The following PNPLA7 variants were observed in gnomAD, a reference collection of about 807,000 sequenced individuals.
PNPLA7 encodes patatin like domain 7, lysophospholipase.
A neutral mutation model predicts 161.7 loss-of-function variants in PNPLA7; 153 were observed. The ratio of observed to expected loss-of-function variants is 0.95; its 90% CI spans 0.83 to 1.08. The LOEUF (loss-of-function observed/expected upper bound fraction) is 1.08, where lower values mean the gene tolerates loss of function less well. Among genes scored for constraint, PNPLA7 ranks in the 50% least tolerant of loss-of-function variants. PNPLA7 has a pLI of 0.00. For missense variants in PNPLA7, 1,739 were observed against 1,856.6 expected, an observed-to-expected ratio of 0.94 and a Z score of 1.16; for synonymous variants, 809 against 782.1, an observed-to-expected ratio of 1.03 and a Z score of -0.57.
intron 17 of PNPLA7, among the ~76,000 whole-genome samples, chr9:137,497,756 T>A (rs1833142218): frequency 6.6e-6 from 1 of 152,190 alleles, no homozygotes; most frequent in South Asian, 2.1e-4. Flanking sequence ...CTCAAACTCC[T>A]GACCTTGTGA....
chr9:137,481,130 C>T, intron 21 of PNPLA7, 107 bp from the exon 22 acceptor site: 2 of 1,178,026 alleles, frequency 1.7e-6, no homozygotes, highest in East Asian at 2.6e-5. Context: ...GGCACCGACG[C>T]CCAGCCAGGC....
Position 137,461,921 on chromosome 9 carries a change from C to G in PNPLA7, c.3756+10G>C, listed in dbSNP as rs760068930. 4.8e-5 allele frequency: 75 copies of G among 1,553,254 alleles called. No homozygotes were observed. Among genetic ancestry groups the G allele is most frequent in the South Asian group, 1.4e-4 (12 of 84,108 alleles). Reference sequence around the variant, plus strand: ...GGGGAGCTGGGCGTGGTCCGGACGCCCGTACTCACCGCACTCGCGGGCTTC... The same window carrying G: ...GGGGAGCTGGGCGTGGTCCGGACGCGCGTACTCACCGCACTCGCGGGCTTC... On this transcript the variant is annotated intron_variant, in intron 32 of 34. Transcript: ENST00000406427.
At chr9:137,464,218 T>C (rs200738335) in intron 27 of PNPLA7, 23 bp from the exon 28 acceptor site, 325 of 1,613,208 alleles carry the variant, frequency 2.0e-4, no homozygotes, top group Non-Finnish European at 2.7e-4. Flanking sequence ...GGGGCTCAGA[T>C]GGGCCCTCTC....
chr9:137,495,734 C>G (rs181565487), intron 18 of PNPLA7, among the ~76,000 whole-genome samples: 14 of 152,240 alleles, frequency 9.2e-5, no homozygotes, highest in African/African-American at 3.4e-4. Flanking sequence ...TGAGCCGCCG[C>G]GCCCGGCCTG....
chr9:137,498,202 T>C lies in PNPLA7; in HGVS notation c.1801A>G (p.Thr601Ala), dbSNP rs1267733093. 4.3e-6 allele frequency: 7 copies of C among 1,612,724 alleles called. No individual in the cohort carries two copies. The East Asian group carries it at 1.6e-4, about 36-fold the overall frequency. ...AAGGACGACATCCTCTTCACCACAG[T>C]GTGCGCCACACCCAGGACGACGGTC... ...QPTVVLGVAH[T>A]VVKRMSSFVR... The change falls in exon 17 of 35, where the codon ACT becomes GCT. Residue 601 changes from threonine (T) to alanine (A), a missense_variant. By Grantham distance (58) the Thr-to-Ala change is moderately conservative. Coordinates refer to ENST00000406427, the MANE Select transcript of PNPLA7 (RefSeq NM_001098537.3).
At chr9:137,496,309 G>A (rs1833056898) in intron 18 of PNPLA7, among the ~76,000 whole-genome samples, 1 of 151,346 alleles carries the variant, frequency 6.6e-6, no homozygotes, top group East Asian at 2.0e-4. Context: ...GTTTCTTCAT[G>A]TTGGTCAGGC....
chr9:137,504,406 T>C (rs1200265459), intron 14 of PNPLA7, among the ~76,000 whole-genome samples: 3 of 152,190 alleles, frequency 2.0e-5, no homozygotes, highest in Non-Finnish European at 4.4e-5. Context: ...GAAACAGAGT[T>C]TCACCATGTT....
At chr9:137,470,533 T>A (rs980053519) in intron 25 of PNPLA7, among the ~76,000 whole-genome samples, 1 of 151,998 alleles carries the variant, frequency 6.6e-6, no homozygotes, top group African/African-American at 2.4e-5. Context: ...AGACACTGTC[T>A]CAAAGAAAAT....
intron 8 of PNPLA7, among the ~76,000 whole-genome samples, chr9:137,528,833 T>C (rs1461513475): frequency 1.3e-5 from 2 of 152,086 alleles, no homozygotes; most frequent in Admixed American, 6.6e-5. Context: ...CCACAGTAGC[T>C]GGGACTACAG....
intron 8 of PNPLA7, among the ~76,000 whole-genome samples, chr9:137,535,696 T>G (rs1384039210): frequency 6.8e-6 from 1 of 146,944 alleles, no homozygotes; most frequent in Non-Finnish European, 1.5e-5. Flanking sequence ...GGAGTTGCAG[T>G]GAGCTGAGAT....
chr9:137,493,447 T>C (rs1832880554), intron 19 of PNPLA7, among the ~76,000 whole-genome samples: 1 of 152,222 alleles, frequency 6.6e-6, no homozygotes, highest in African/African-American at 2.4e-5. Context: ...AAGGGCAGGC[T>C]GGCAGGCTTC....
Position 137,547,619 on chromosome 9 carries a change from A to T in PNPLA7, c.71T>A (p.Leu24Gln). Reference protein sequence around the residue: ...CLGTALHSWGLWFTEEGSPST... With the variant: ...CLGTALHSWGQWFTEEGSPST... ...CGGTGAACCTTCCTCCGTGAACCAC[A>T]GTCCCCAAGAGTGCAGGGCGGTGCC... Residue 24 changes from leucine to glutamine, a missense_variant, in exon 2 of 35, where the codon CTG becomes CAG. Leu to Gln is a moderately radical substitution (Grantham distance 113, BLOSUM62 -2). Transcript: ENST00000406427. The surrounding 1 kb of genome is among the most constrained non-coding windows in gnomAD (Gnocchi z 4.6). 8 of 1,613,212 alleles carry T rather than the reference A, an allele frequency of 5.0e-6. No homozygotes were observed. The highest frequency in any genetic ancestry group is 6.8e-6 in the Non-Finnish European group (8 of 1,179,854).
At position 137,522,859 on chromosome 9, in the gene PNPLA7, T is replaced by C; in HGVS notation, c.748-2A>G. On this transcript the variant is annotated splice_acceptor_variant, in intron 8 of 34. Transcript: ENST00000406427. LOFTEE classifies it high-confidence loss of function. Reference sequence around the variant, plus strand: ...CGTTTTGTAAGGTGCAGCATGGCCCTGTAACAACAGCTCCATCAGTCCCCA... The same window carrying C: ...CGTTTTGTAAGGTGCAGCATGGCCCCGTAACAACAGCTCCATCAGTCCCCA... The C allele has an allele frequency of 3.7e-6, 6 of 1,613,014 alleles. No homozygotes were observed. The highest frequency in any genetic ancestry group is 5.1e-6 in the Non-Finnish European group (6 of 1,179,628).
At chr9:137,481,746 G>T (rs187648306) in intron 21 of PNPLA7, among the ~76,000 whole-genome samples, 1 of 152,194 alleles carries the variant, frequency 6.6e-6, no homozygotes, top group Admixed American at 6.5e-5. Flanking sequence ...CACGAGGTCA[G>T]GAGATCCGGT....
chr9:137,522,346 T>A (rs1253702882), intron 9 of PNPLA7, among the ~76,000 whole-genome samples: 2 of 151,042 alleles, frequency 1.3e-5, no homozygotes, highest in South Asian at 2.1e-4. Context: ...AGTGCTGGGG[T>A]TACAGGCGGG....
chr9:137,547,328 G>T lies in PNPLA7; in HGVS notation c.174C>A (p.Phe58Leu), dbSNP rs142360903. Residue 58 changes from phenylalanine to leucine, a missense_variant, in exon 3 of 35, where the codon TTC (phenylalanine) becomes TTA (leucine). By Grantham distance (22) the Phe-to-Leu change is conservative. Around this residue, in one of 6 missense-constraint regions of PNPLA7, gnomAD observed 209 missense variants for 252.8 expected, o/e 0.83. Coordinates refer to ENST00000406427, the MANE Select transcript of PNPLA7 (RefSeq NM_001098537.3). This position sits in a 1 kb window ranked among gnomAD's most constrained non-coding sequence, Gnocchi z 4.6. ...ACTCACGAAATTGTCTAAGCCTTCTGAACATGAAAAGGATGAGGACACCAA... is the reference window on the plus strand; with the variant it reads ...ACTCACGAAATTGTCTAAGCCTTCTTAACATGAAAAGGATGAGGACACCAA... ...ALVGVLILFMFRRLRQFRQAQ... is the reference protein window; with the variant it reads ...ALVGVLILFMLRRLRQFRQAQ... 1 of 1,613,560 alleles carries T rather than the reference G, an allele frequency of 6.2e-7. No homozygotes were observed. The highest frequency in any genetic ancestry group is 1.3e-5 in the African/African-American group (1 of 75,042).
Position 137,549,334 on chromosome 9 carries a change from A to G in PNPLA7, c.30+834T>C, listed in dbSNP as rs1302844033. On this transcript the variant is annotated intron_variant, in intron 1 of 34. Coordinates refer to ENST00000406427, the MANE Select transcript of PNPLA7 (RefSeq NM_001098537.3). ...TGTAATCCCTGCACTTTGGGAGGCC[A>G]AGGCGGGCGGATCACGAGGTCAGGA... Among the ~76,000 whole-genome samples, 7 of 151,842 alleles carry G rather than the reference A, an allele frequency of 4.6e-5. No homozygotes were observed. The East Asian group carries it at 5.8e-4, about 13-fold the overall frequency.
rs1398266776 is a variant in PNPLA7 at position 137,500,690 on chromosome 9, C to T, written c.1757+1G>A. On this transcript the variant is annotated splice_donor_variant, in intron 16 of 34. Transcript: ENST00000406427. LOFTEE classifies it high-confidence loss of function. The surrounding 1 kb of genome is among the most constrained non-coding windows in gnomAD (Gnocchi z 5.5). ...CTGAGGTCCTGGCCCGTGGGACTCACTCATAGAAGTGGGCCTTGGAGATGG... is the reference window on the plus strand; with the variant it reads ...CTGAGGTCCTGGCCCGTGGGACTCATTCATAGAAGTGGGCCTTGGAGATGG... The T allele has an allele frequency of 1.2e-6, 2 of 1,612,100 alleles. No individual in the cohort carries two copies. Among genetic ancestry groups the T allele is most frequent in the South Asian group, 1.1e-5 (1 of 90,914 alleles).
rs1831538205 is a variant in PNPLA7 at position 137,467,597 on chromosome 9, A to C, written c.2883-124T>G. 7.8e-7 allele frequency: 1 copy of C among 1,279,632 alleles called. No homozygotes were observed. The highest frequency in any genetic ancestry group is 1.5e-5 in the South Asian group (1 of 67,758). The allele number at this position is 1,279,632 out of a possible 1,614,324, so 79.3% of individuals were successfully genotyped here. ...GGCAGAGACGCTGACGCAGAGAGGG[A>C]CTCCAGATGCAGTTTAAAACCCCTC... On this transcript the variant is annotated intron_variant, in intron 25 of 34. Transcript: ENST00000406427. This position sits in a 1 kb window ranked among gnomAD's most constrained non-coding sequence, Gnocchi z 5.1.
Sources: allele counts gnomAD v4.1 joint callset (sites outside exome capture counted in the v4.1 genomes callset), GRCh38; gene constraint gnomAD v4.1.1; regional missense constraint gnomAD v4.1.1; non-coding constraint Gnocchi (gnomAD v3.1); transcripts MANE v1.5; gene names NCBI Gene and HGNC (gene_info 2026-07-23, HGNC 2026-07-21).